Variants in MACROD2 observed in about 807,000 individuals in gnomAD.
MACROD2 encodes mono-ADP ribosylhydrolase 2.
In MACROD2, 36 loss-of-function variants were observed where a neutral mutation model predicts 70.4. That is an observed-to-expected ratio of 0.51 (90% CI 0.39 to 0.68). MACROD2 has a LOEUF of 0.68. MACROD2 is among the 30% of genes least tolerant of loss of function. MACROD2 has a pLI of 0.00. For synonymous variants in MACROD2, 172 were observed against 178.8 expected (o/e 0.96, Z 0.30); for missense variants, 496 against 538.4 (o/e 0.92, Z 0.78).
intron 15 of MACROD2, among the ~76,000 whole-genome samples, chr20:16,001,496 T>C (rs1350059639): frequency 6.6e-6 from 1 of 152,258 alleles, no homozygotes; most frequent in Non-Finnish European, 1.5e-5. Context: ...GTCACGTTTC[T>C]AACCAATAAT....
intron 5 of MACROD2, among the ~76,000 whole-genome samples, chr20:15,227,824 T>TTTTTG (rs2076921570): frequency 3.0e-5 from 1 of 33,376 alleles, no homozygotes; most frequent in African/African-American, 9.0e-5. Context: ...ATTTCACCTG[T>TTTTTG]TTTTTTTTTT....
intron 5 of MACROD2, among the ~76,000 whole-genome samples, chr20:14,821,450 G>A (rs2072843699): frequency 6.6e-6 from 1 of 152,010 alleles, no homozygotes; most frequent in South Asian, 2.1e-4. Flanking sequence ...TACCATCTCT[G>A]TAAAATCCTG....
intron 15 of MACROD2, among the ~76,000 whole-genome samples, chr20:15,999,804 C>A (rs191171941): frequency 1.2e-4 from 18 of 152,296 alleles, no homozygotes; most frequent in Admixed American, 1.0e-3. Context: ...TCTCTTCTGG[C>A]AGCCCAAGCT....
chr20:14,600,029 G>T (rs1982383777), intron 4 of MACROD2, among the ~76,000 whole-genome samples: 2 of 152,042 alleles, frequency 1.3e-5, no homozygotes, highest in Non-Finnish European at 2.9e-5. Flanking sequence ...GAGTATAGGA[G>T]AACTCAGCTA....
In MACROD2 at chr20:15,599,206, C is replaced by G. The variant is rs181379821; in HGVS notation, c.645+99359C>G. 4.2e-4 allele frequency among the ~76,000 whole-genome samples: 64 copies of G among 151,938 alleles called. No homozygotes were observed. The East Asian group carries it at 5.4e-3, about 13-fold the overall frequency. On this transcript the variant is annotated intron_variant, in intron 8 of 17. Transcript: ENST00000684519. ...CCATCCCTGGCCAACATGGTGAAAC[C>G]CTGTCTCTACTAAAATACAAAAAAA...
At chr20:15,735,128 T>A (rs1190061505) in intron 8 of MACROD2, among the ~76,000 whole-genome samples, 1 of 152,070 alleles carries the variant, frequency 6.6e-6, no homozygotes, top group Non-Finnish European at 1.5e-5. Flanking sequence ...AACTGGCTAG[T>A]TTTTGTATAT....
chr20:14,626,400 A>G lies in MACROD2; in HGVS notation c.302-58443A>G, dbSNP rs183801545. 7.9e-5 allele frequency among the ~76,000 whole-genome samples: 12 copies of G among 152,184 alleles called. 1 individual carries two copies. In the East Asian group the frequency reaches 2.3e-3, roughly 29 times the overall value. ...TAGTATATAGCCTAAAATAATGACT[A>G]TTTTACAGTGCTGTATTCCCAGTAC... On this transcript the variant is annotated intron_variant, in intron 4 of 17. Coordinates refer to ENST00000684519, the MANE Select transcript of MACROD2 (RefSeq NM_001351661.2).
At chr20:15,518,815 A>G (rs544440416) in intron 8 of MACROD2, among the ~76,000 whole-genome samples, 1 of 152,296 alleles carries the variant, frequency 6.6e-6, no homozygotes, top group East Asian at 1.9e-4. Context: ...CCTGGGTAAC[A>G]TTGTGAGACC....
intron 7 of MACROD2, among the ~76,000 whole-genome samples, chr20:15,432,768 C>G (rs2046379159): frequency 1.3e-5 from 2 of 151,922 alleles, no homozygotes; most frequent in Non-Finnish European, 2.9e-5. Flanking sequence ...ACATCATTTT[C>G]TATGTTTATT....
intron 5 of MACROD2, among the ~76,000 whole-genome samples, chr20:14,947,944 T>C (rs1179823817): frequency 5.9e-5 from 9 of 152,170 alleles, no homozygotes; most frequent in African/African-American, 2.2e-4. Flanking sequence ...TTTGCTTACA[T>C]CTACCATTCA....
intron 4 of MACROD2, among the ~76,000 whole-genome samples, chr20:14,629,996 T>TATCC (rs1249556410): frequency 1.7e-4 from 25 of 151,224 alleles, no homozygotes; most frequent in East Asian, 5.8e-4. Context: ...TCTATCTATC[T>TATCC]ATCCATCCCC....
chr20:15,077,090 G>T (rs1357746069), intron 5 of MACROD2, among the ~76,000 whole-genome samples: 3 of 152,168 alleles, frequency 2.0e-5, no homozygotes, highest in Non-Finnish European at 4.4e-5. Context: ...GCACTATTAA[G>T]TTATTAAGGG....
At chr20:14,237,242 C>T (rs564038195) in intron 3 of MACROD2, among the ~76,000 whole-genome samples, 138 of 152,012 alleles carry the variant, frequency 9.1e-4, no homozygotes, top group African/African-American at 3.2e-3. Context: ...ATTATGAATA[C>T]CTGTCGATTT....
chr20:15,553,409 A>C (rs2048124053), intron 8 of MACROD2, among the ~76,000 whole-genome samples: 1 of 152,142 alleles, frequency 6.6e-6, no homozygotes, highest in Non-Finnish European at 1.5e-5. Flanking sequence ...AAAACCTGGC[A>C]TATGATGGGT....
At chr20:14,683,038 C>T (rs1420632113) in intron 4 of MACROD2, among the ~76,000 whole-genome samples, 1 of 152,034 alleles carries the variant, frequency 6.6e-6, no homozygotes, top group Admixed American at 6.6e-5. Flanking sequence ...CACCACCACA[C>T]CCGGCTAATT....
At chr20:15,397,192 G>A (rs567654912) in intron 6 of MACROD2, among the ~76,000 whole-genome samples, 21 of 152,276 alleles carry the variant, frequency 1.4e-4, no homozygotes, top group Non-Finnish European at 2.2e-4. Context: ...ATTAAAAGTA[G>A]CCACAATTAT....
At chr20:14,975,668 T>C (rs28417461) in intron 5 of MACROD2, among the ~76,000 whole-genome samples, 31,471 of 151,734 alleles carry the variant, frequency 0.21, 4,666 homozygotes, top group African/African-American at 0.4. Context: ...AGCATTCGAC[T>C]CTCACGACCT....
At chr20:15,064,366 G>T (rs961879850) in intron 5 of MACROD2, among the ~76,000 whole-genome samples, 2 of 152,140 alleles carry the variant, frequency 1.3e-5, no homozygotes, top group African/African-American at 4.8e-5. Flanking sequence ...CTCAGATGCT[G>T]ATCTTGTGTA....
chr20:16,027,938 G>T (rs2067102563), intron 15 of MACROD2, among the ~76,000 whole-genome samples: 1 of 152,168 alleles, frequency 6.6e-6, no homozygotes, highest in African/African-American at 2.4e-5. Flanking sequence ...AAGCCCTGGA[G>T]GGGTGGAGAA....
Sources: gnomAD v4.1 joint callset for allele counts (sites outside exome capture counted in the v4.1 genomes callset) on GRCh38, gnomAD v4.1.1 for gene constraint, MANE v1.5 for transcripts, NCBI Gene and HGNC (gene_info 2026-07-23, HGNC 2026-07-21) for gene names.